GABRA3: variants seen among roughly 807,000 people sequenced by gnomAD.
The protein encoded by GABRA3 is gamma-aminobutyric acid type A receptor subunit alpha3.
GABRA3 carries 10 observed loss-of-function variants against 30.1 expected under a neutral mutation model. The observed-to-expected ratio is 0.33, with a 90% CI of 0.20 to 0.56. The LOEUF is 0.56. GABRA3 is among the 20% of genes least tolerant of loss of function. The pLI, the probability that GABRA3 is intolerant of heterozygous loss-of-function variation, is 0.89. For missense variants in GABRA3, 233 were observed against 392.0 expected, an observed-to-expected ratio of 0.59 and a Z score of 3.42; for synonymous variants, 151 against 146.8, an observed-to-expected ratio of 1.03 and a Z score of -0.21.
At chrX:152,192,047 C>A (rs1180035461) in intron 8 of GABRA3, among the ~76,000 whole-genome samples, 1 of 112,366 alleles carries the variant, frequency 8.9e-6, no homozygotes, top group Non-Finnish European at 1.9e-5. Flanking sequence ...CTGACACATT[C>A]ATAGCAGTGT....
intron 1 of GABRA3, among the ~76,000 whole-genome samples, chrX:152,394,787 T>G (rs1019239837): frequency 9.8e-5 from 11 of 111,744 alleles, no homozygotes; most frequent in African/African-American, 3.3e-4. Flanking sequence ...GGGATAGATA[T>G]GGTATCCCAG....
intron 5 of GABRA3, among the ~76,000 whole-genome samples, chrX:152,226,088 C>T (rs1937947765): frequency 9.0e-6 from 1 of 111,402 alleles, no homozygotes; most frequent in African/African-American, 3.3e-5. Context: ...GTTGAGGCAA[C>T]AAATAAAGAA....
chrX:152,381,380 C>A (rs1166823908), intron 1 of GABRA3, among the ~76,000 whole-genome samples: 2 of 111,236 alleles, frequency 1.8e-5, no homozygotes, highest in African/African-American at 6.5e-5. Context: ...TGTTCAAGTT[C>A]TTTGCCCATT....
intron 1 of GABRA3, among the ~76,000 whole-genome samples, chrX:152,444,748 G>GTTT (rs1569426323): frequency 1.0e-4 from 5 of 47,698 alleles, no homozygotes; most frequent in East Asian, 1.0e-3. Flanking sequence ...TTTTTTTTTT[G>GTTT]TTTTTTTTTG....
intron 1 of GABRA3, among the ~76,000 whole-genome samples, chrX:152,401,533 T>C (rs1929796810): frequency 1.8e-5 from 2 of 111,684 alleles, no homozygotes; most frequent in African/African-American, 3.2e-5. Context: ...AGGTTTTTAC[T>C]TGCTCACAAA....
At chrX:152,192,243 A>AAAG (rs1374561851) in intron 8 of GABRA3, among the ~76,000 whole-genome samples, 1 of 112,098 alleles carries the variant, frequency 8.9e-6, no homozygotes. Flanking sequence ...ATGGATGGAC[A>AAAG]AAGAGATTCT....
At chrX:152,292,992 A>C (rs1939449827) in intron 3 of GABRA3, among the ~76,000 whole-genome samples, 1 of 111,362 alleles carries the variant, frequency 9.0e-6, no homozygotes, top group African/African-American at 3.3e-5. Flanking sequence ...ACTTTGGAAT[A>C]AGTGCGATGT....
chrX:152,381,460 T>A (rs958192237), intron 1 of GABRA3, among the ~76,000 whole-genome samples: 15 of 111,982 alleles, frequency 1.3e-4, no homozygotes, highest in African/African-American at 4.9e-4. Context: ...GATACTAACC[T>A]CTTATCAGAT....
At chrX:152,182,570 ATATG>A (rs1186982332) in intron 9 of GABRA3, among the ~76,000 whole-genome samples, 19 of 76,914 alleles carry the variant, frequency 2.5e-4, no homozygotes, top group African/African-American at 9.9e-4. Flanking sequence ...TATATACTAT[ATATG>A]CATATATAGT....
At chrX:152,369,779 T>C (rs1167361164) in intron 1 of GABRA3, among the ~76,000 whole-genome samples, 1 of 110,433 alleles carries the variant, frequency 9.1e-6, no homozygotes, top group Non-Finnish European at 1.9e-5. Flanking sequence ...AAAAGCTCAA[T>C]GGGGATGAGG....
At position 152,228,865 on chromosome X, in the gene GABRA3, CA is replaced by C. The variant is rs760579957; in HGVS notation, c.552-4021del. 1.6e-4 allele frequency among the ~76,000 whole-genome samples: 18 copies of C among 111,246 alleles called. No individual in the cohort carries two copies. In the East Asian group the frequency reaches 4.8e-3, roughly 30 times the overall value. The stretch of plus-strand genomic sequence containing the variant: ...TTACATAATCCATCCATCCATTCAA[CA>C]TTTATTCATTTAACAACATCAGGGA... On this transcript the variant is annotated intron_variant, in intron 5 of 9. Coordinates refer to ENST00000370314, the MANE Select transcript of GABRA3 (RefSeq NM_000808.4).
intron 2 of GABRA3, among the ~76,000 whole-genome samples, chrX:152,359,050 T>C (rs190406192): frequency 8.9e-6 from 1 of 111,839 alleles, no homozygotes; most frequent in Admixed American, 9.5e-5. Context: ...GGTTTTGGTA[T>C]CAGGATGATG....
At chrX:152,425,015 C>T (rs1488380384) in intron 1 of GABRA3, among the ~76,000 whole-genome samples, 1 of 97,010 alleles carries the variant, frequency 1.0e-5, no homozygotes, top group Non-Finnish European at 2.0e-5. Context: ...TCATTGCAGC[C>T]TTGACCTCCC....
intron 4 of GABRA3, among the ~76,000 whole-genome samples, chrX:152,282,536 A>G (rs1056161734): frequency 1.8e-5 from 2 of 112,409 alleles, no homozygotes; most frequent in African/African-American, 6.5e-5. Context: ...TCATTTGACC[A>G]AAGTCTGCCC....
chrX:152,315,287 G>T (rs1380647735), intron 3 of GABRA3, among the ~76,000 whole-genome samples: 2 of 111,397 alleles, frequency 1.8e-5, no homozygotes, highest in Non-Finnish European at 3.8e-5. Flanking sequence ...CTTACCTGGA[G>T]CTGAGACAAT....
At chrX:152,439,570 T>A (rs974606953) in intron 1 of GABRA3, among the ~76,000 whole-genome samples, 11 of 111,665 alleles carry the variant, frequency 9.9e-5, no homozygotes, top group African/African-American at 3.6e-4. Context: ...GTTAGACATT[T>A]ACTTTGCATA....
intron 6 of GABRA3, among the ~76,000 whole-genome samples, chrX:152,211,807 G>T (rs1447186709): frequency 9.0e-6 from 1 of 111,537 alleles, no homozygotes; most frequent in Non-Finnish European, 1.9e-5. Flanking sequence ...GGGTGTTACA[G>T]AAGGATTCTT....
In GABRA3 at chrX:152,364,418, T is replaced by A. The variant is rs765627242; in HGVS notation, c.140+13A>T. On this transcript the variant is annotated intron_variant, in intron 2 of 9. Coordinates refer to ENST00000370314, the MANE Select transcript of GABRA3 (RefSeq NM_000808.4). ...CACAGTCTTCTTTCATCCTAAGAGTTAGGGGTTCTTACCCGCCAATGTCCT... is the reference window on the plus strand; with the variant it reads ...CACAGTCTTCTTTCATCCTAAGAGTAAGGGGTTCTTACCCGCCAATGTCCT... 5.0e-6 allele frequency: 6 copies of A among 1,200,969 alleles called. No homozygotes were observed. The East Asian group carries it at 1.8e-4, about 36-fold the overall frequency.
At chrX:152,219,777 C>T (rs1412876130) in intron 6 of GABRA3, among the ~76,000 whole-genome samples, 2 of 111,044 alleles carry the variant, frequency 1.8e-5, no homozygotes, top group African/African-American at 3.3e-5. Context: ...ATACTATACA[C>T]ATAGTATTTT....
Sources: allele counts gnomAD v4.1 joint callset (sites outside exome capture counted in the v4.1 genomes callset), GRCh38; gene constraint gnomAD v4.1.1; transcripts MANE v1.5; gene names NCBI Gene and HGNC (gene_info 2026-07-23, HGNC 2026-07-21).